The following SPON1 variants were observed in gnomAD, a reference collection of about 807,000 sequenced individuals.
SPON1 encodes spondin 1.
In SPON1, 52 loss-of-function variants were observed where a neutral mutation model predicts 111.7. The observed-to-expected ratio is 0.47, with a 90% CI of 0.37 to 0.59. The LOEUF (loss-of-function observed/expected upper bound fraction) is 0.59, where lower values mean the gene tolerates loss of function less well. SPON1 is among the 20% of genes least tolerant of loss of function. The pLI is 0.00. For missense variants in SPON1, 957 were observed against 1,068.5 expected, an observed-to-expected ratio of 0.90 and a Z score of 1.46; for synonymous variants, 410 against 395.8, an observed-to-expected ratio of 1.04 and a Z score of -0.43.
intron 7 of SPON1, among the ~76,000 whole-genome samples, chr11:14,250,652 T>C (rs1849043520): frequency 6.6e-6 from 1 of 152,164 alleles, no homozygotes; most frequent in South Asian, 2.1e-4. Flanking sequence ...GATACAAATC[T>C]AAGTCCCAGG....
intron 2 of SPON1, among the ~76,000 whole-genome samples, chr11:14,030,452 A>G (rs1848549826): frequency 2.6e-5 from 4 of 152,196 alleles, no homozygotes; most frequent in Admixed American, 2.6e-4. Flanking sequence ...GGGTCCGCCA[A>G]TGGTGCTCGT....
At chr11:14,194,044 T>A in intron 6 of SPON1, among the ~76,000 whole-genome samples, 1 of 152,204 alleles carries the variant, frequency 6.6e-6, no homozygotes, top group East Asian at 1.9e-4. Context: ...AGGAACACGT[T>A]TTAGAAATAT....
intron 5 of SPON1, among the ~76,000 whole-genome samples, chr11:14,097,317 T>C (rs1360918892): frequency 6.6e-6 from 1 of 152,240 alleles, no homozygotes; most frequent in East Asian, 1.9e-4. Flanking sequence ...TTTAAAAATA[T>C]ATGCAATTTC....
intron 6 of SPON1, among the ~76,000 whole-genome samples, chr11:14,169,003 T>G (rs1412203517): frequency 2.2e-4 from 33 of 152,342 alleles, no homozygotes; most frequent in African/African-American, 7.9e-4. Context: ...TTATAATCCT[T>G]TGGGTATATA....
intron 1 of SPON1, among the ~76,000 whole-genome samples, chr11:13,975,175 C>G (rs1264669720): frequency 6.6e-6 from 1 of 152,106 alleles, no homozygotes; most frequent in Non-Finnish European, 1.5e-5. Context: ...TATTTTTTCC[C>G]CCAGGTACTA....
intron 3 of SPON1, among the ~76,000 whole-genome samples, chr11:14,075,084 C>A (rs1354740894): frequency 6.6e-6 from 1 of 152,066 alleles, no homozygotes; most frequent in Non-Finnish European, 1.5e-5. Flanking sequence ...AACCTTACCA[C>A]CAAAAACAAT....
At chr11:14,177,960 T>A (rs190712670) in intron 6 of SPON1, among the ~76,000 whole-genome samples, 1 of 152,248 alleles carries the variant, frequency 6.6e-6, no homozygotes, top group Admixed American at 6.5e-5. Context: ...GACTTGTTTC[T>A]TATTCCTGTT....
At chr11:14,260,885 TC>T in intron 14 of SPON1, 133 bp downstream of exon 14, 1 of 992,962 alleles carries the variant, frequency 1.0e-6, no homozygotes, top group Non-Finnish European at 1.4e-6. Context: ...GGTTTGGCTT[TC>T]AGTGTTTGCA....
chr11:13,978,748 G>T (rs1461569476), intron 1 of SPON1, among the ~76,000 whole-genome samples: 1 of 152,174 alleles, frequency 6.6e-6, no homozygotes, highest in Non-Finnish European at 1.5e-5. Context: ...GAATGGAGGA[G>T]CTTGACCATT....
intron 6 of SPON1, among the ~76,000 whole-genome samples, chr11:14,191,397 A>G (rs1408635707): frequency 6.6e-6 from 1 of 152,214 alleles, no homozygotes; most frequent in Non-Finnish European, 1.5e-5. Flanking sequence ...CAGATCTTCC[A>G]GTCCCACCTC....
chr11:14,237,582 C>A (rs1848882142), intron 6 of SPON1, among the ~76,000 whole-genome samples: 1 of 152,254 alleles, frequency 6.6e-6, no homozygotes, highest in Non-Finnish European at 1.5e-5. Flanking sequence ...AGCGTGATAG[C>A]TATTTCCAAA....
intron 1 of SPON1, among the ~76,000 whole-genome samples, chr11:13,978,671 C>G (rs1255660561): frequency 2.0e-5 from 3 of 152,098 alleles, no homozygotes; most frequent in Non-Finnish European, 4.4e-5. Context: ...GCATGCAGGT[C>G]TTTATGGGGA....
chr11:14,253,730 C>G (rs1365964098), intron 7 of SPON1, among the ~76,000 whole-genome samples: 2 of 152,260 alleles, frequency 1.3e-5, no homozygotes, highest in African/African-American at 4.8e-5. Context: ...CAGCCCCCTC[C>G]TAGCTGTGTC....
intron 6 of SPON1, among the ~76,000 whole-genome samples, chr11:14,209,415 C>T (rs1271010525): frequency 1.3e-5 from 2 of 152,138 alleles, no homozygotes; most frequent in African/African-American, 4.8e-5. Context: ...TCCCCTAGCC[C>T]CCCACACCCC....
chr11:14,189,340 T>C (rs1007645772), intron 6 of SPON1, among the ~76,000 whole-genome samples: 1 of 152,250 alleles, frequency 6.6e-6, no homozygotes, highest in African/African-American at 2.4e-5. Flanking sequence ...CCACCTCTGA[T>C]GTCCAACCCC....
chr11:14,251,010 A>G (rs1323394941), intron 7 of SPON1, among the ~76,000 whole-genome samples: 1 of 152,164 alleles, frequency 6.6e-6, no homozygotes, highest in East Asian at 1.9e-4. Flanking sequence ...AATGGTCCTC[A>G]CTCTATTGGA....
At chr11:14,091,569 G>A (rs1015636317) in intron 5 of SPON1, among the ~76,000 whole-genome samples, 29 of 152,304 alleles carry the variant, frequency 1.9e-4, no homozygotes, top group African/African-American at 6.0e-4. Flanking sequence ...CCACTGGCCC[G>A]GGTGCTAAGT....
intron 5 of SPON1, among the ~76,000 whole-genome samples, chr11:14,132,617 G>A (rs868928690): frequency 6.6e-6 from 1 of 152,110 alleles, no homozygotes; most frequent in Non-Finnish European, 1.5e-5. Context: ...ACCATATCCA[G>A]TCCTCCTCAG....
chr11:13,980,223 G>A (rs1229890596), intron 1 of SPON1, among the ~76,000 whole-genome samples: 2 of 151,958 alleles, frequency 1.3e-5, no homozygotes, highest in African/African-American at 2.4e-5. Flanking sequence ...TGTATTTTTA[G>A]TAGAGATGGG....
Sources: allele counts gnomAD v4.1 joint callset (sites outside exome capture counted in the v4.1 genomes callset), GRCh38; gene constraint gnomAD v4.1.1; transcripts MANE v1.5; gene names NCBI Gene and HGNC (gene_info 2026-07-23, HGNC 2026-07-21).